Variants in TRIM33 observed in about 807,000 individuals in gnomAD.
The protein encoded by TRIM33 is tripartite motif containing 33, also known as E3 ubiquitin-protein ligase TRIM33.
TRIM33 carries 20 observed loss-of-function variants against 125.4 expected under a neutral mutation model. The ratio of observed to expected loss-of-function variants is 0.16; its 90% CI spans 0.11 to 0.23. The LOEUF is 0.23. Among genes scored for constraint, TRIM33 ranks in the 10% least tolerant of loss-of-function variants. TRIM33 has a pLI of 1.00. For synonymous variants in TRIM33, 564 were observed against 513.9 expected, an observed-to-expected ratio of 1.10 and a Z score of -1.32; for missense variants, 920 against 1,411.4, an observed-to-expected ratio of 0.65 and a Z score of 5.58.
Position 114,397,589 on chromosome 1 carries a change from GT to G in TRIM33, c.*58del, listed in dbSNP as rs66490349. 36,085 of 633,632 alleles carry G rather than the reference GT, an allele frequency of 0.057. 162 individuals carry two copies. The highest frequency in any genetic ancestry group is 0.17 in the East Asian group (4,329 of 25,470). 39.3% of individuals were successfully genotyped at this position (633,632 alleles called of 1,614,324 possible). Reference sequence around the variant, plus strand: ...CTTAAAAGTTTTCTGGGTTTTTTGTGTTTTTTTTTTTTTTTTCGTTTTTTTT... The same window carrying G: ...CTTAAAAGTTTTCTGGGTTTTTTGTGTTTTTTTTTTTTTTTCGTTTTTTTT... On this transcript the variant is annotated 3_prime_UTR_variant, in exon 20 of 20. Coordinates refer to ENST00000358465, the MANE Select transcript of TRIM33 (RefSeq NM_015906.4).
In TRIM33 at chr1:114,408,606, T is replaced by C. The variant is rs1349406686; in HGVS notation, c.2258+71A>G. ...AAGTATAAAGGGGTTCACTGTAATA[T>C]TCTACTTTTATTATACATATTTGCT... On this transcript the variant is annotated intron_variant, in intron 13 of 19. Coordinates refer to ENST00000358465, the MANE Select transcript of TRIM33 (RefSeq NM_015906.4). 4.5e-5 allele frequency: 45 copies of C among 997,284 alleles called. No individual in the cohort carries two copies. The East Asian group carries it at 1.2e-3, about 26-fold the overall frequency. The allele number at this position is 997,284 out of a possible 1,614,324, so 61.8% of individuals were successfully genotyped here.
At position 114,398,002 on chromosome 1, in the gene TRIM33, A is replaced by G; in HGVS notation, c.3121-12T>C. 6.5e-7 allele frequency: 1 copy of G among 1,547,938 alleles called. No homozygotes were observed. The highest frequency in any genetic ancestry group is 8.6e-7 in the Non-Finnish European group (1 of 1,157,408). On this transcript the variant is annotated splice_polypyrimidine_tract_variant and intron_variant, in intron 18 of 19. Coordinates refer to ENST00000358465, the MANE Select transcript of TRIM33 (RefSeq NM_015906.4). ...ACAACTTTCATCATCTAAAAAGGATACCAGAGTCAAAAAAAAAAAAGGGAA... is the reference window on the plus strand; with the variant it reads ...ACAACTTTCATCATCTAAAAAGGATGCCAGAGTCAAAAAAAAAAAAGGGAA...
At chr1:114,467,800 A>T (rs1424084632) in intron 1 of TRIM33, among the ~76,000 whole-genome samples, 3 of 152,190 alleles carry the variant, frequency 2.0e-5, no homozygotes, top group African/African-American at 7.2e-5. Context: ...ATGACCTAAC[A>T]ATCTTTTCAT....
intron 11 of TRIM33, among the ~76,000 whole-genome samples, chr1:114,411,360 A>C (rs1264561003): frequency 1.3e-5 from 2 of 152,186 alleles, no homozygotes; most frequent in Non-Finnish European, 2.9e-5. Flanking sequence ...GAAGGGCTGA[A>C]GGTAGGAGTA....
chr1:114,418,645 T>C (rs1306914254), intron 11 of TRIM33, among the ~76,000 whole-genome samples: 1 of 152,196 alleles, frequency 6.6e-6, no homozygotes, highest in African/African-American at 2.4e-5. Flanking sequence ...GGTCATAATA[T>C]AGACAACTTC....
intron 8 of TRIM33, 127 bp from the exon 9 acceptor site, chr1:114,425,850 G>C: frequency 3.1e-6 from 2 of 640,712 alleles, no homozygotes; most frequent in Non-Finnish European, 5.4e-6. Flanking sequence ...AGTACAGCAG[G>C]GAATGGAGTC....
chr1:114,503,671 C>CT (rs1019370969), intron 1 of TRIM33, among the ~76,000 whole-genome samples: 1 of 152,146 alleles, frequency 6.6e-6, no homozygotes, highest in Non-Finnish European at 1.5e-5. Context: ...TCTTTAAATA[C>CT]TGAGAAACTG....
intron 6 of TRIM33, 72 bp from the exon 7 acceptor site, chr1:114,427,966 T>C (rs1328061164): frequency 2.0e-6 from 3 of 1,502,206 alleles, no homozygotes; most frequent in Non-Finnish European, 2.8e-6. Flanking sequence ...CTAATGCAAA[T>C]GGGCACAATA....
chr1:114,398,775 C>T (rs1005562657), intron 18 of TRIM33, among the ~76,000 whole-genome samples: 2 of 151,658 alleles, frequency 1.3e-5, no homozygotes, highest in African/African-American at 4.8e-5. Flanking sequence ...CCATTTTCTT[C>T]TCCTACAATG....
At position 114,511,157 on chromosome 1, in the gene TRIM33, G is replaced by A. The variant is rs980530018; in HGVS notation, c.-81C>T. 46 of 1,049,902 alleles carry A rather than the reference G, an allele frequency of 4.4e-5. No individual in the cohort carries two copies. The African/African-American group carries it at 7.7e-4, about 18-fold the overall frequency. The allele number at this position is 1,049,902 out of a possible 1,614,324, so 65.0% of individuals were successfully genotyped here. On this transcript the variant is annotated 5_prime_UTR_variant, in exon 1 of 20. Transcript: ENST00000358465. Reference sequence around the variant, plus strand: ...GCCGCCGCCGCCCCCAGCCCCAGCCGCAGCCGCAGCAAGAGCGGCAGCCGA... The same window carrying A: ...GCCGCCGCCGCCCCCAGCCCCAGCCACAGCCGCAGCAAGAGCGGCAGCCGA...
chr1:114,401,511 T>C (rs775913556), intron 16 of TRIM33, 48 bp from the exon 17 acceptor site: 1 of 1,503,012 alleles, frequency 6.7e-7, no homozygotes, highest in East Asian at 2.3e-5. Context: ...TTTCTCCTAA[T>C]AAAACATTCT....
intron 1 of TRIM33, among the ~76,000 whole-genome samples, chr1:114,504,419 C>G (rs745935427): frequency 6.6e-6 from 1 of 152,172 alleles, no homozygotes; most frequent in Non-Finnish European, 1.5e-5. Flanking sequence ...CCACCCACCT[C>G]GGCCTCCCAA....
chr1:114,417,555 T>A (rs1653016113), intron 11 of TRIM33, among the ~76,000 whole-genome samples: 1 of 152,150 alleles, frequency 6.6e-6, no homozygotes, highest in South Asian at 2.1e-4. Context: ...AGGCCTACAA[T>A]CCCACACTGC....
intron 4 of TRIM33, among the ~76,000 whole-genome samples, chr1:114,448,781 C>T (rs968294124): frequency 6.6e-6 from 1 of 151,802 alleles, no homozygotes; most frequent in African/African-American, 2.4e-5. Context: ...GTAGAAGTTT[C>T]GTACTAAGCA....
chr1:114,411,541 C>T (rs1369143060), intron 11 of TRIM33, among the ~76,000 whole-genome samples: 1 of 151,938 alleles, frequency 6.6e-6, no homozygotes, highest in Non-Finnish European at 1.5e-5. Flanking sequence ...CTAATATGGG[C>T]CAGAGATGAA....
At chr1:114,504,876 C>T (rs1244766567) in intron 1 of TRIM33, among the ~76,000 whole-genome samples, 2 of 152,162 alleles carry the variant, frequency 1.3e-5, no homozygotes, top group Non-Finnish European at 2.9e-5. Context: ...CAGTAGACAT[C>T]AGAAAAGCCT....
intron 1 of TRIM33, among the ~76,000 whole-genome samples, chr1:114,507,073 A>G (rs75537991): frequency 0.01 from 1,569 of 152,368 alleles, 24 homozygotes; most frequent in African/African-American, 0.036. Context: ...AACAAAAATA[A>G]ACATTTTGGA....
In TRIM33 at chr1:114,427,300, AG is replaced by A. The variant is rs1202020459; in HGVS notation, c.1303-7del. ...TGACGCAACTGGAAAGTAATCTTAA[AG>A]GGAAAAAAATCCACATTAGTCTCAA... On this transcript the variant is annotated splice_polypyrimidine_tract_variant and splice_region_variant and intron_variant, in intron 7 of 19. Transcript: ENST00000358465. 1.2e-5 allele frequency: 17 copies of A among 1,463,778 alleles called. No homozygotes were observed. Among genetic ancestry groups the A allele is most frequent in the Non-Finnish European group, 1.4e-5 (15 of 1,062,406 alleles). The allele number at this position is 1,463,778 out of a possible 1,614,324, so 90.7% of individuals were successfully genotyped here.
chr1:114,448,537 G>A (rs1649129756), intron 4 of TRIM33, among the ~76,000 whole-genome samples: 1 of 152,150 alleles, frequency 6.6e-6, no homozygotes, highest in Admixed American at 6.5e-5. Flanking sequence ...TATTCAGCTG[G>A]ATAAACAAAA....
Sources: gnomAD v4.1 joint callset for allele counts (sites outside exome capture counted in the v4.1 genomes callset) on GRCh38, gnomAD v4.1.1 for gene constraint, MANE v1.5 for transcripts, NCBI Gene and HGNC (gene_info 2026-07-23, HGNC 2026-07-21) for gene names.